TENM3: variants seen among roughly 807,000 people sequenced by gnomAD.
The protein encoded by TENM3 is teneurin-3.
Under a neutral mutation model 255.1 loss-of-function variants are expected in TENM3, and 63 were observed. The observed-to-expected ratio is 0.25, with a 90% CI of 0.20 to 0.30. The LOEUF is 0.30. Among genes scored for constraint, TENM3 ranks in the 10% least tolerant of loss-of-function variants. The probability of loss-of-function intolerance (pLI) is 1.00; values close to 1 mark genes in which losing one functional copy is unlikely to be tolerated. For missense variants in TENM3, 2,929 were observed against 3,461.1 expected, an observed-to-expected ratio of 0.85 and a Z score of 3.86; for synonymous variants, 1,306 against 1,322.3, an observed-to-expected ratio of 0.99 and a Z score of 0.27.
At chr4:181,546,631 G>A in the TENM3 span, among the ~76,000 whole-genome samples, 3 of 141,822 alleles carry the variant, frequency 2.1e-5, no homozygotes, top group Non-Finnish European at 3.1e-5. Flanking sequence ...GGAGAATGGC[G>A]TGAACCCGGG....
intron 1 of TENM3, among the ~76,000 whole-genome samples, chr4:182,266,971 T>A (rs1365057958): frequency 6.6e-6 from 1 of 152,172 alleles, no homozygotes; most frequent in Non-Finnish European, 1.5e-5. Context: ...TAATCAACTA[T>A]AGAACTCTAG....
At chr4:181,605,507 AAAGAAAGAAAGAAAGAAAG>A in the TENM3 span, among the ~76,000 whole-genome samples, 1 of 17,640 alleles carries the variant, frequency 5.7e-5, no homozygotes, top group African/African-American at 1.5e-4. Flanking sequence ...AGAAAGAAAG[AAAGAAAGAAAGAAAGAAAG>A]AAAGAAAGAA....
intron 1 of TENM3, among the ~76,000 whole-genome samples, chr4:182,155,512 G>C (rs975430585): frequency 2.0e-5 from 3 of 151,970 alleles, no homozygotes; most frequent in Non-Finnish European, 4.4e-5. Context: ...CTATTTAAAA[G>C]ATTATTTTTG....
the TENM3 span, among the ~76,000 whole-genome samples, chr4:182,102,924 C>T: frequency 0.3 from 45,541 of 152,024 alleles, 7,072 homozygotes; most frequent in South Asian, 0.35. Context: ...TCCCTGTCCT[C>T]TCAACTGCAT....
At chr4:182,059,336 C>T in the TENM3 span, among the ~76,000 whole-genome samples, 1 of 152,184 alleles carries the variant, frequency 6.6e-6, no homozygotes, top group Admixed American at 6.5e-5. Flanking sequence ...TTTTAAGAAG[C>T]ACATCATCAC....
At chr4:182,582,706 G>A (rs557895080) in intron 3 of TENM3, among the ~76,000 whole-genome samples, 27 of 152,236 alleles carry the variant, frequency 1.8e-4, no homozygotes, top group Middle Eastern at 6.8e-3. Flanking sequence ...TAAAGGAATT[G>A]TTTTAGACTC....
chr4:181,533,736 T>TAAAAA, the TENM3 span, among the ~76,000 whole-genome samples: 1 of 143,962 alleles, frequency 6.9e-6, no homozygotes, highest in African/African-American at 2.5e-5. Context: ...GCCTTTAAAT[T>TAAAAA]AAAAAAAAAA....
the TENM3 span, among the ~76,000 whole-genome samples, chr4:181,605,584 G>GGAAAGAAAGAAA: frequency 1.4e-3 from 95 of 69,166 alleles, 12 homozygotes; most frequent in African/African-American, 5.2e-3. Flanking sequence ...GAGAAAGAAA[G>GGAAAGAAAGAAA]GAAAGAAAGA....
chr4:182,299,871 T>G (rs1761742794), intron 1 of TENM3, among the ~76,000 whole-genome samples: 1 of 151,938 alleles, frequency 6.6e-6, no homozygotes, highest in Non-Finnish European at 1.5e-5. Flanking sequence ...TTTCCCATTT[T>G]GATATGAACA....
At chr4:181,646,397 G>A in the TENM3 span, among the ~76,000 whole-genome samples, 4 of 152,080 alleles carry the variant, frequency 2.6e-5, no homozygotes, top group African/African-American at 9.7e-5. Flanking sequence ...TGATCTGAAG[G>A]GAAAAAAGTC....
At chr4:182,791,003 C>T (rs368218023) in intron 25 of TENM3, among the ~76,000 whole-genome samples, 2 of 152,122 alleles carry the variant, frequency 1.3e-5, no homozygotes, top group Admixed American at 1.3e-4. Context: ...CAGACTATTT[C>T]GATGTTCTTA....
At chr4:181,586,128 C>T in the TENM3 span, among the ~76,000 whole-genome samples, 2 of 152,190 alleles carry the variant, frequency 1.3e-5, no homozygotes, top group African/African-American at 4.8e-5. Context: ...CTTGAACTCA[C>T]TTCCTACCCC....
the TENM3 span, among the ~76,000 whole-genome samples, chr4:182,053,902 T>C: frequency 8.9e-4 from 136 of 152,200 alleles, no homozygotes; most frequent in Non-Finnish European, 1.4e-3. Flanking sequence ...CTGGGGTCCA[T>C]GGGTCTGGTC....
At chr4:181,683,178 C>A in the TENM3 span, among the ~76,000 whole-genome samples, 3 of 151,946 alleles carry the variant, frequency 2.0e-5, no homozygotes, top group Admixed American at 6.6e-5. Flanking sequence ...GTATATTGAG[C>A]ACTCATTATA....
the TENM3 span, among the ~76,000 whole-genome samples, chr4:181,722,190 G>C: frequency 1.3e-5 from 2 of 152,176 alleles, no homozygotes; most frequent in African/African-American, 4.8e-5. Context: ...AGCAGAACTG[G>C]GGATCAGGGC....
At chr4:182,018,378 GA>G in the TENM3 span, among the ~76,000 whole-genome samples, 54,040 of 149,172 alleles carry the variant, frequency 0.36, 9,906 homozygotes, top group Non-Finnish European at 0.41. Context: ...AATGGAAGAA[GA>G]AAAAAAAAAA....
At chr4:181,723,687 G>C in the TENM3 span, among the ~76,000 whole-genome samples, 1 of 151,850 alleles carries the variant, frequency 6.6e-6, no homozygotes, top group Non-Finnish European at 1.5e-5. Context: ...TTATTTACAA[G>C]TTCTTAAGTT....
intron 1 of TENM3, among the ~76,000 whole-genome samples, chr4:182,196,290 G>A (rs986772108): frequency 6.6e-6 from 1 of 152,108 alleles, no homozygotes. Context: ...AGGATCATCT[G>A]TTTCCTAGAT....
intron 1 of TENM3, among the ~76,000 whole-genome samples, chr4:182,305,031 G>C (rs965018884): frequency 5.9e-5 from 9 of 151,904 alleles, no homozygotes; most frequent in African/African-American, 2.2e-4. Flanking sequence ...GGAGACACAG[G>C]TGGATGGTAA....
Sources: allele counts gnomAD v4.1 joint callset (sites outside exome capture counted in the v4.1 genomes callset), GRCh38; gene constraint gnomAD v4.1.1; transcripts MANE v1.5; gene names NCBI Gene and HGNC (gene_info 2026-07-23, HGNC 2026-07-21).